The following AGBL2 variants were observed in gnomAD, a reference collection of about 807,000 sequenced individuals.
AGBL2 encodes the protein AGBL carboxypeptidase 2.
In AGBL2, 87 loss-of-function variants were observed where a neutral mutation model predicts 103.0. That is an observed-to-expected ratio of 0.84 (90% CI 0.71 to 1.01). The LOEUF is 1.01. AGBL2 is among the 50% of genes least tolerant of loss of function. The pLI is 0.00. For missense variants in AGBL2, 904 were observed against 1,023.5 expected (o/e 0.88, Z 1.59); for synonymous variants, 335 against 356.7 (o/e 0.94, Z 0.69).
At chr11:47,713,543 A>C (rs2097541614) in intron 3 of AGBL2, among the ~76,000 whole-genome samples, 2 of 151,182 alleles carry the variant, frequency 1.3e-5, no homozygotes, top group Non-Finnish European at 2.9e-5. Flanking sequence ...TAAAAAATAA[A>C]ATAAAATGTC....
intron 4 of AGBL2, among the ~76,000 whole-genome samples, chr11:47,706,890 C>CAAAA (rs1554968232): frequency 3.8e-5 from 2 of 53,228 alleles, no homozygotes; most frequent in East Asian, 5.0e-4. Context: ...CTCTACTATT[C>CAAAA]CAAAAAAAAA....
At position 47,675,793 on chromosome 11, in the gene AGBL2, C is replaced by CT. The variant is rs540863384; in HGVS notation, c.2147+1477dup. Among the ~76,000 whole-genome samples the CT allele has an allele frequency of 5.9e-5, 9 of 151,992 alleles. No individual in the cohort carries two copies. In the South Asian group the frequency reaches 1.7e-3, roughly 28 times the overall value. On this transcript the variant is annotated intron_variant, in intron 14 of 18. Coordinates refer to ENST00000525123, the MANE Select transcript of AGBL2 (RefSeq NM_024783.4). ...GGCTGAGGCGGGCAGATCCGTTGAG[C>CT]TCAGTAGTTAGAGACCAGCCTGGGC...
intron 3 of AGBL2, among the ~76,000 whole-genome samples, chr11:47,712,286 G>A (rs1028770496): frequency 2.6e-5 from 4 of 152,050 alleles, no homozygotes; most frequent in Admixed American, 2.0e-4. Context: ...TAGATAAGGG[G>A]GGACTAATGT....
intron 6 of AGBL2, 53 bp from the exon 7 acceptor site, chr11:47,704,781 T>C: frequency 7.0e-7 from 1 of 1,423,376 alleles, no homozygotes; most frequent in South Asian, 1.2e-5. Context: ...CCTTGGGAAC[T>C]TTACTGCTCA....
intron 7 of AGBL2, among the ~76,000 whole-genome samples, chr11:47,702,154 AATAAAAT>A (rs2097501727): frequency 6.6e-6 from 1 of 152,134 alleles, no homozygotes; most frequent in African/African-American, 2.4e-5. Flanking sequence ...CTGTCTCAAA[AATAAAAT>A]ATAAAGTCAA....
chr11:47,686,059 G>A lies in AGBL2; in HGVS notation c.1632-10C>T, dbSNP rs769106129. ...TCTTTCTTCAAGAAGTCTATTGAGGGGGCAAACAAAGGACTCAGTGGACAC... is the reference window on the plus strand; with the variant it reads ...TCTTTCTTCAAGAAGTCTATTGAGGAGGCAAACAAAGGACTCAGTGGACAC... On this transcript the variant is annotated splice_polypyrimidine_tract_variant and intron_variant, in intron 10 of 18. Transcript: ENST00000525123. 2.7e-5 allele frequency: 43 copies of A among 1,612,508 alleles called. No homozygotes were observed. Among genetic ancestry groups the A allele is most frequent in the Non-Finnish European group, 3.6e-5 (42 of 1,179,616 alleles).
At chr11:47,678,711 G>A in intron 13 of AGBL2, among the ~76,000 whole-genome samples, 1 of 151,726 alleles carries the variant, frequency 6.6e-6, no homozygotes, top group Non-Finnish European at 1.5e-5. Flanking sequence ...CCTCAGAAAG[G>A]CCATAGGGGA....
In AGBL2 at chr11:47,691,729, A is replaced by AAAATAT; in HGVS notation, c.848+373_848+374insATATTT. ...TCTCAAGAAAAAAAAAAAAAAAAAA[A>AAAATAT]ATATATATATATATATATATATATA... is the stretch of plus-strand genomic sequence containing the variant. On this transcript the variant is annotated intron_variant, in intron 9 of 18. Transcript: ENST00000525123. Among the ~76,000 whole-genome samples, 23 of 4,856 alleles carry AAAATAT rather than the reference A, an allele frequency of 4.7e-3. 2 individuals are homozygous for AAAATAT. Among genetic ancestry groups the AAAATAT allele is most frequent in the Non-Finnish European group, 7.7e-3 (21 of 2,742 alleles). The allele number at this position is 4,856 out of a possible 152,430, so 3.2% of individuals were successfully genotyped here.
rs200471001 is a variant in AGBL2, at chr11:47,679,076, A to G, written c.2016+897T>C. Among the ~76,000 whole-genome samples, 1,414 of 147,540 alleles carry G rather than the reference A, an allele frequency of 9.6e-3. 91 individuals are homozygous for G. In the East Asian group the frequency reaches 0.14, roughly 15 times the overall value. ...CCTGTCTCAAAAAAAAAAAAAAAAA[A>G]AAAAAAAAAAAAAGAAAAGACACCT... On this transcript the variant is annotated intron_variant, in intron 13 of 18. Coordinates refer to ENST00000525123, the MANE Select transcript of AGBL2 (RefSeq NM_024783.4).
intron 10 of AGBL2, 80 bp downstream of exon 10, chr11:47,689,996 C>A (rs2097438556): frequency 7.8e-7 from 1 of 1,284,414 alleles, no homozygotes; most frequent in Non-Finnish European, 1.1e-6. Context: ...ACAGAAGAGA[C>A]CTCATACCCC....
At chr11:47,664,848 G>A (rs1038611820) in intron 17 of AGBL2, among the ~76,000 whole-genome samples, 6 of 150,326 alleles carry the variant, frequency 4.0e-5, no homozygotes, top group African/African-American at 1.2e-4. Flanking sequence ...GTGAGCTACC[G>A]TACCTGACCT....
chr11:47,663,256 CA>C (rs2153802509), intron 17 of AGBL2, 144 bp from the exon 18 acceptor site: 1 of 598,718 alleles, frequency 1.7e-6, no homozygotes, highest in South Asian at 2.3e-5. Flanking sequence ...AAACATAATT[CA>C]AAGAAGGAAA....
rs550419569 is a variant in AGBL2, at chr11:47,690,172, C to T, written c.1535G>A (p.Arg512Gln). The T allele has an allele frequency of 3.7e-6, 6 of 1,614,108 alleles. No homozygotes were observed. The highest frequency in any genetic ancestry group is 4.5e-5 in the East Asian group (2 of 44,892). Reference protein sequence around the residue: ...NPDGVIVGNYRCSLAGRDLNR... With the variant: ...NPDGVIVGNYQCSLAGRDLNR... ...CAAATCCCTTCCGGCCAAGGAACAC[C>T]GATAATTCCCCACAATCACACCATC... Residue 512 changes from arginine to glutamine, a missense_variant, in exon 10 of 19, where the codon CGG becomes CAG. By Grantham distance (43) the Arg-to-Gln change is conservative. Transcript: ENST00000525123.
At chr11:47,662,790 G>A (rs2097331480) in intron 18 of AGBL2, among the ~76,000 whole-genome samples, 5 of 152,008 alleles carry the variant, frequency 3.3e-5, no homozygotes, top group African/African-American at 4.8e-5. Context: ...CACTGTGCCC[G>A]GCCTAAAACT....
intron 17 of AGBL2, among the ~76,000 whole-genome samples, chr11:47,663,367 T>C (rs2097332876): frequency 6.6e-6 from 1 of 152,174 alleles, no homozygotes; most frequent in South Asian, 2.1e-4. Context: ...AGGATGTAGA[T>C]ATTATTACCT....
At chr11:47,704,518 G>A in intron 7 of AGBL2, 25 bp downstream of exon 7, 2 of 1,364,370 alleles carry the variant, frequency 1.5e-6, no homozygotes, top group Non-Finnish European at 2.0e-6. Context: ...AGAATAGCAA[G>A]ACCACTGTGA....
Position 47,659,999 on chromosome 11 carries a change from G to T in AGBL2, c.*174C>A. 1 of 517,938 alleles carries T rather than the reference G, an allele frequency of 1.9e-6. No individual in the cohort carries two copies. The allele number at this position is 517,938 out of a possible 1,614,324, so 32.1% of individuals were successfully genotyped here. ...AAAAATAGTTGAATTCATGAGGTAT[G>T]CATCTTGACCACATGCCCACAGTGT... On this transcript the variant is annotated 3_prime_UTR_variant, in exon 19 of 19. Coordinates refer to ENST00000525123, the MANE Select transcript of AGBL2 (RefSeq NM_024783.4).
At chr11:47,681,514 C>A (rs1216544027) in intron 12 of AGBL2, among the ~76,000 whole-genome samples, 1 of 152,162 alleles carries the variant, frequency 6.6e-6, no homozygotes, top group African/African-American at 2.4e-5. Context: ...GTCACCCAAG[C>A]TGGAGTGCAA....
At chr11:47,696,985 G>A (rs181035912) in intron 8 of AGBL2, among the ~76,000 whole-genome samples, 12 of 151,998 alleles carry the variant, frequency 7.9e-5, no homozygotes, top group African/African-American at 2.9e-4. Flanking sequence ...GCTGAGTATA[G>A]TGGCACAATC....
Sources: gnomAD v4.1 joint callset for allele counts (sites outside exome capture counted in the v4.1 genomes callset) on GRCh38, gnomAD v4.1.1 for gene constraint, MANE v1.5 for transcripts, NCBI Gene and HGNC (gene_info 2026-07-23, HGNC 2026-07-21) for gene names.